PBX1: variants seen among roughly 807,000 people sequenced by gnomAD.
PBX1 encodes PBX homeobox 1.
A neutral mutation model predicts 53.4 loss-of-function variants in PBX1; 6 were observed. That is an observed-to-expected ratio of 0.11 (90% confidence interval 0.06 to 0.22). PBX1 has a LOEUF of 0.22. Ranked by LOEUF, PBX1 falls within the 10% of genes least tolerant of loss-of-function variation. The pLI is 1.00. For missense variants in PBX1, 251 were observed against 551.4 expected, an observed-to-expected ratio of 0.46 and a Z score of 5.46; for synonymous variants, 204 against 212.3, an observed-to-expected ratio of 0.96 and a Z score of 0.34.
chr1:164,590,538 A>G, intron 2 of PBX1: 1 of 451,872 alleles, frequency 2.2e-6, no homozygotes, highest in Non-Finnish European at 4.5e-6. Context: ...GAGGAGGACA[A>G]CAGTGTGAAA....
chr1:164,764,287 T>G (rs1666948257), intron 2 of PBX1, among the ~76,000 whole-genome samples: 1 of 152,208 alleles, frequency 6.6e-6, no homozygotes. Context: ...TTGATTTATT[T>G]GTATTTTTTA....
intron 2 of PBX1, among the ~76,000 whole-genome samples, chr1:164,707,414 T>TGAGAGAGAGAGAGA (rs1335251572): frequency 9.4e-6 from 1 of 106,698 alleles, no homozygotes; most frequent in African/African-American, 4.6e-5. Flanking sequence ...TGTGTGTGTG[T>TGAGAGAGAGAGAGA]GTGTGAGAGA....
intron 2 of PBX1, among the ~76,000 whole-genome samples, chr1:164,712,070 G>A (rs1663822207): frequency 6.7e-6 from 1 of 150,090 alleles, no homozygotes; most frequent in Non-Finnish European, 1.5e-5. Flanking sequence ...TTGCAGGGAA[G>A]GGTCATGGTT....
At chr1:164,768,283 T>G (rs1428104303) in intron 2 of PBX1, among the ~76,000 whole-genome samples, 1 of 152,206 alleles carries the variant, frequency 6.6e-6, no homozygotes, top group African/African-American at 2.4e-5. Flanking sequence ...AGCTTGGGAC[T>G]TAAGGCTTGA....
chr1:164,805,529 G>T (rs932244242), intron 4 of PBX1, among the ~76,000 whole-genome samples: 1 of 152,190 alleles, frequency 6.6e-6, no homozygotes, highest in Non-Finnish European at 1.5e-5. Flanking sequence ...TTTCCTTTGA[G>T]TTCAATTGGA....
At chr1:164,719,587 A>G (rs1261446626) in intron 2 of PBX1, among the ~76,000 whole-genome samples, 1 of 152,122 alleles carries the variant, frequency 6.6e-6, no homozygotes, top group African/African-American at 2.4e-5. Flanking sequence ...AGGCGCAGGC[A>G]TTTGTAGTTT....
chr1:164,716,685 T>TACACACACACACACAC (rs375539653), intron 2 of PBX1, among the ~76,000 whole-genome samples: 3,043 of 115,756 alleles, frequency 0.026, 71 homozygotes, highest in South Asian at 0.044. Flanking sequence ...ATGTCATCTC[T>TACACACACACACACAC]ACACACACAC....
chr1:164,603,928 CATTTT>C (rs1296417917), intron 2 of PBX1, among the ~76,000 whole-genome samples: 38 of 48,760 alleles, frequency 7.8e-4, no homozygotes, highest in African/African-American at 1.4e-3. Context: ...TATGTCATTT[CATTTT>C]TTTTTTTTTT....
intron 8 of PBX1, among the ~76,000 whole-genome samples, chr1:164,831,234 A>G (rs1670737069): frequency 6.6e-6 from 1 of 152,210 alleles, no homozygotes; most frequent in African/African-American, 2.4e-5. Context: ...AGTAAATTGC[A>G]GACAACAGTA....
chr1:164,811,713 A>G (rs921221852), intron 5 of PBX1, among the ~76,000 whole-genome samples: 9 of 152,242 alleles, frequency 5.9e-5, no homozygotes, highest in Non-Finnish European at 2.9e-5. Flanking sequence ...GCTCTAAATT[A>G]AAAGGGTTCT....
intron 2 of PBX1, among the ~76,000 whole-genome samples, chr1:164,874,355 T>C (rs1672454031): frequency 6.6e-6 from 1 of 152,256 alleles, no homozygotes; most frequent in Non-Finnish European, 1.5e-5. Flanking sequence ...TTATATTTTA[T>C]GTAAGCATAT....
chr1:164,803,911 CAG>C (rs1669208283), intron 4 of PBX1, among the ~76,000 whole-genome samples: 1 of 152,176 alleles, frequency 6.6e-6, no homozygotes, highest in Non-Finnish European at 1.5e-5. Context: ...ACCTGTAAAA[CAG>C]GGATAATCCT....
chr1:164,767,110 A>C (rs947205028), intron 2 of PBX1, among the ~76,000 whole-genome samples: 1 of 152,142 alleles, frequency 6.6e-6, no homozygotes, highest in Non-Finnish European at 1.5e-5. Flanking sequence ...ATTGCAAAAG[A>C]GAATATGCCT....
In PBX1 at chr1:164,792,510, A is replaced by C; in HGVS notation, c.282A>C (p.Gly94=). The change falls in exon 3 of 9, where the codon GGA becomes GGC. Residue 94 remains glycine, a synonymous_variant. Transcript: ENST00000420696. The part of the protein sequence containing the change: ...IKEKTVLSIR[G]AQEEEPTDPQ... Reference sequence around the variant, plus strand: ...TTTCTGTAGTTTTGAGTATCCGAGGAGCCCAGGAGGAGGAACCCACAGACC... The same window carrying C: ...TTTCTGTAGTTTTGAGTATCCGAGGCGCCCAGGAGGAGGAACCCACAGACC... The C allele has an allele frequency of 6.2e-7, 1 of 1,613,994 alleles. No individual in the cohort carries two copies. Among genetic ancestry groups the C allele is most frequent in the Non-Finnish European group, 8.5e-7 (1 of 1,180,016 alleles).
At chr1:164,705,258 T>C (rs1249553862) in intron 2 of PBX1, among the ~76,000 whole-genome samples, 1 of 152,216 alleles carries the variant, frequency 6.6e-6, no homozygotes, top group Non-Finnish European at 1.5e-5. Context: ...GAACCATTCA[T>C]CTATACAGTA....
Position 164,851,143 on chromosome 1 carries a change from T to C in PBX1, c.*4467T>C, listed in dbSNP as rs769851721. On this transcript the variant is annotated 3_prime_UTR_variant, in exon 9 of 9. Transcript: ENST00000420696. ...TCACAGAGTACACCTCTTAGTAACC[T>C]CTGACTTAGGCAGCTGCTTAAAGCA... 9.1e-6 allele frequency: 2 copies of C among 218,736 alleles called. No individual in the cohort carries two copies. The highest frequency in any genetic ancestry group is 2.2e-5 in the African/African-American group (1 of 44,528). The allele number at this position is 218,736 out of a possible 1,614,324, so 13.5% of individuals were successfully genotyped here. A position where few individuals can be genotyped will look rare whatever the true frequency, so the allele number is the denominator to read the frequency against.
chr1:164,685,169 T>G (rs1284849344), intron 2 of PBX1, among the ~76,000 whole-genome samples: 2 of 152,214 alleles, frequency 1.3e-5, no homozygotes, highest in Non-Finnish European at 1.5e-5. Context: ...AGGAGATGTC[T>G]AAGTCATACA....
At chr1:164,614,739 G>C (rs568765257) in intron 2 of PBX1, among the ~76,000 whole-genome samples, 3 of 152,162 alleles carry the variant, frequency 2.0e-5, no homozygotes, top group Non-Finnish European at 2.9e-5. Context: ...ATGACCGGCA[G>C]CTTAGGCTGG....
intron 6 of PBX1, chr1:164,817,036 G>C (rs1353388696): frequency 6.6e-6 from 1 of 152,110 alleles, no homozygotes; most frequent in Non-Finnish European, 1.5e-5. Flanking sequence ...GTTGAGTGTA[G>C]ATTTAGTTCT....
Sources: gnomAD v4.1 joint callset for allele counts (sites outside exome capture counted in the v4.1 genomes callset) on GRCh38, gnomAD v4.1.1 for gene constraint, MANE v1.5 for transcripts, NCBI Gene and HGNC (gene_info 2026-07-23, HGNC 2026-07-21) for gene names.